Variants in KCNH7 observed in about 807,000 individuals in gnomAD.
The protein encoded by KCNH7 is voltage-gated inwardly rectifying potassium channel KCNH7.
In KCNH7, 49 loss-of-function variants were observed where a neutral mutation model predicts 120.8. The observed-to-expected ratio is 0.41, with a 90% CI of 0.32 to 0.51. The LOEUF (loss-of-function observed/expected upper bound fraction) is 0.51, where lower values mean the gene tolerates loss of function less well. Ranked by LOEUF, KCNH7 falls within the 20% of genes least tolerant of loss-of-function variation. The pLI, the probability that KCNH7 is intolerant of heterozygous loss-of-function variation, is 0.38. For synonymous variants in KCNH7, 547 were observed against 516.1 expected (o/e 1.06, Z -0.81); for missense variants, 1,097 against 1,446.6 (o/e 0.76, Z 3.92).
chr2:162,684,962 T>C (rs1685835068), intron 2 of KCNH7, among the ~76,000 whole-genome samples: 1 of 152,004 alleles, frequency 6.6e-6, no homozygotes, highest in Non-Finnish European at 1.5e-5. Flanking sequence ...CGCCCATCAG[T>C]GATAGACTGG....
chr2:162,431,775 T>G (rs1688078273), intron 8 of KCNH7, among the ~76,000 whole-genome samples: 2 of 151,326 alleles, frequency 1.3e-5, no homozygotes, highest in African/African-American at 2.4e-5. Context: ...TCTTAATAAA[T>G]TAATAGAAAT....
chr2:162,547,062 A>T (rs1692504499), intron 2 of KCNH7, among the ~76,000 whole-genome samples: 1 of 152,084 alleles, frequency 6.6e-6, no homozygotes, highest in African/African-American at 2.4e-5. Context: ...GGCCTCAGGA[A>T]ACTTACAATC....
intron 8 of KCNH7, among the ~76,000 whole-genome samples, chr2:162,434,177 A>G (rs147379007): frequency 5.7e-4 from 87 of 152,220 alleles, no homozygotes; most frequent in Non-Finnish European, 1.1e-3. Context: ...GAGGCTAAGC[A>G]TTACGTACGC....
chr2:162,643,267 T>C (rs570167383), intron 2 of KCNH7, among the ~76,000 whole-genome samples: 1 of 143,432 alleles, frequency 7.0e-6, no homozygotes. Flanking sequence ...AGACTATTGA[T>C]TTTTTTTTTT....
chr2:162,431,522 C>T (rs933745037), intron 8 of KCNH7, among the ~76,000 whole-genome samples: 5 of 151,856 alleles, frequency 3.3e-5, no homozygotes, highest in African/African-American at 1.2e-4. Flanking sequence ...CTTAATTTTA[C>T]TCTTTTCCTT....
At chr2:162,410,842 G>GA (rs1687371384) in intron 9 of KCNH7, among the ~76,000 whole-genome samples, 1 of 151,930 alleles carries the variant, frequency 6.6e-6, no homozygotes, top group African/African-American at 2.4e-5. Flanking sequence ...AGAAACATAT[G>GA]AAAAAATGTT....
intron 9 of KCNH7, among the ~76,000 whole-genome samples, chr2:162,405,588 T>G (rs1687189224): frequency 6.6e-6 from 1 of 152,016 alleles, no homozygotes; most frequent in Admixed American, 6.6e-5. Context: ...ATTATAATAT[T>G]GTTAATATTC....
chr2:162,644,808 T>A (rs913306426), intron 2 of KCNH7, among the ~76,000 whole-genome samples: 4 of 152,186 alleles, frequency 2.6e-5, no homozygotes, highest in African/African-American at 9.6e-5. Context: ...TCCAAAAACC[T>A]TTAAACCTCC....
chr2:162,833,918 A>G (rs1320713518), intron 2 of KCNH7, among the ~76,000 whole-genome samples: 1 of 152,200 alleles, frequency 6.6e-6, no homozygotes, highest in East Asian at 1.9e-4. Flanking sequence ...TGGGCTTATT[A>G]CATCACTCTT....
chr2:162,389,724 A>G (rs1686686243), intron 12 of KCNH7, among the ~76,000 whole-genome samples: 1 of 152,080 alleles, frequency 6.6e-6, no homozygotes, highest in African/African-American at 2.4e-5. Flanking sequence ...TAGAGTAAAA[A>G]GTTTCCTCTT....
chr2:162,386,826 T>C (rs1686587611), intron 12 of KCNH7, among the ~76,000 whole-genome samples: 1 of 151,740 alleles, frequency 6.6e-6, no homozygotes, highest in Non-Finnish European at 1.5e-5. Flanking sequence ...CCTACCATGC[T>C]GGGCTTCAGT....
intron 2 of KCNH7, among the ~76,000 whole-genome samples, chr2:162,615,011 T>C (rs975606132): frequency 6.6e-6 from 1 of 152,186 alleles, no homozygotes; most frequent in Admixed American, 6.5e-5. Flanking sequence ...ACGGTTTAAA[T>C]GTAAGACATC....
chr2:162,612,211 G>A (rs961748524), intron 2 of KCNH7, among the ~76,000 whole-genome samples: 8 of 152,148 alleles, frequency 5.3e-5, no homozygotes, highest in Non-Finnish European at 2.9e-5. Flanking sequence ...AGGTGATGTA[G>A]GCATCATGGC....
At chr2:162,707,469 A>C (rs986151348) in intron 2 of KCNH7, among the ~76,000 whole-genome samples, 1 of 152,118 alleles carries the variant, frequency 6.6e-6, no homozygotes, top group African/African-American at 2.4e-5. Flanking sequence ...AATAATTTTA[A>C]ATATGCTTTG....
chr2:162,552,183 T>G (rs1233984573), intron 2 of KCNH7, among the ~76,000 whole-genome samples: 2 of 152,130 alleles, frequency 1.3e-5, no homozygotes, highest in East Asian at 1.9e-4. Flanking sequence ...GACTAAGAAG[T>G]CTCCATAACT....
intron 6 of KCNH7, among the ~76,000 whole-genome samples, chr2:162,472,834 C>T (rs1042265996): frequency 7.2e-5 from 11 of 152,128 alleles, no homozygotes; most frequent in African/African-American, 1.9e-4. Flanking sequence ...AACTTGGAAC[C>T]GACCCAAATG....
chr2:162,486,204 G>T (rs561635483), intron 6 of KCNH7, among the ~76,000 whole-genome samples: 1 of 152,240 alleles, frequency 6.6e-6, no homozygotes, highest in East Asian at 1.9e-4. Context: ...CTCTACCTGG[G>T]CCATTAAAGT....
chr2:162,538,541 G>C (rs1347316536), intron 2 of KCNH7, among the ~76,000 whole-genome samples: 2 of 152,016 alleles, frequency 1.3e-5, no homozygotes, highest in African/African-American at 4.8e-5. Context: ...ACAGCTGAAG[G>C]ATCTTTTTGG....
chr2:162,427,637 T>C (rs1039222196), intron 8 of KCNH7, among the ~76,000 whole-genome samples: 5 of 152,100 alleles, frequency 3.3e-5, no homozygotes, highest in Non-Finnish European at 7.4e-5. Context: ...TTTCTTCCAG[T>C]CTACCATTTG....
Sources: gnomAD v4.1 joint callset for allele counts (sites outside exome capture counted in the v4.1 genomes callset) on GRCh38, gnomAD v4.1.1 for gene constraint, MANE v1.5 for transcripts, NCBI Gene and HGNC (gene_info 2026-07-23, HGNC 2026-07-21) for gene names.